TTC28: variants seen among roughly 807,000 people sequenced by gnomAD.
The protein encoded by TTC28 is tetratricopeptide repeat domain 28.
A neutral mutation model predicts 198.0 loss-of-function variants in TTC28; 61 were observed. That is an observed-to-expected ratio of 0.31 (90% confidence interval 0.25 to 0.38). TTC28 has a LOEUF of 0.38. TTC28 is among the 10% of genes least tolerant of loss of function. TTC28 has a pLI of 1.00. For synonymous variants in TTC28, 1,171 were observed against 1,297.8 expected, an observed-to-expected ratio of 0.90 and a Z score of 2.10; for missense variants, 2,678 against 3,164.0, an observed-to-expected ratio of 0.85 and a Z score of 3.69.
intron 16 of TTC28, 130 bp from the exon 17 acceptor site, chr22:27,996,389 C>T (rs1937553014): frequency 7.3e-6 from 10 of 1,373,376 alleles, no homozygotes; most frequent in Admixed American, 2.4e-5. Flanking sequence ...GGGAGCAGCT[C>T]ACAGGCTGGC....
intron 2 of TTC28, among the ~76,000 whole-genome samples, chr22:28,502,603 G>A (rs2048552534): frequency 6.6e-6 from 1 of 151,886 alleles, no homozygotes; most frequent in Admixed American, 6.6e-5. Flanking sequence ...AGCCGAGATC[G>A]TGCCACTGCA....
At chr22:28,381,352 C>A (rs1376429449) in intron 2 of TTC28, among the ~76,000 whole-genome samples, 3 of 152,058 alleles carry the variant, frequency 2.0e-5, no homozygotes, top group Non-Finnish European at 4.4e-5. Context: ...ATAAGCCTAC[C>A]TTAGAGGCTT....
rs987353807 is a variant in TTC28, at chr22:27,990,933, C to A, written c.5554-121G>T. ...TTTAGGAAGCGCCACACCAGGCCCG[C>A]GGCTCTGACTGGGAGGGGAGAGGAG... On this transcript the variant is annotated intron_variant, in intron 19 of 22. Transcript: ENST00000397906. 4.4e-5 allele frequency: 44 copies of A among 993,512 alleles called. No individual in the cohort carries two copies. The Middle Eastern group carries it at 6.3e-4, about 14-fold the overall frequency. The allele number at this position is 993,512 out of a possible 1,614,324, so 61.5% of individuals were successfully genotyped here.
intron 5 of TTC28, among the ~76,000 whole-genome samples, chr22:28,236,584 T>C (rs1420864696): frequency 3.9e-5 from 6 of 152,156 alleles, no homozygotes; most frequent in Non-Finnish European, 1.5e-5. Flanking sequence ...CAAGTGCCAA[T>C]AAACTGCAAA....
intron 2 of TTC28, among the ~76,000 whole-genome samples, chr22:28,493,047 T>TAA (rs750347534): frequency 8.4e-4 from 56 of 66,342 alleles, no homozygotes; most frequent in African/African-American, 1.5e-3. Flanking sequence ...TTCACGATAC[T>TAA]AAAAAAAAAA....
At chr22:28,076,455 CT>C (rs1279526010) in intron 12 of TTC28, among the ~76,000 whole-genome samples, 5 of 152,112 alleles carry the variant, frequency 3.3e-5, no homozygotes, top group African/African-American at 9.7e-5. Flanking sequence ...GCTTTTTTCC[CT>C]CTTTTTGGGA....
At chr22:28,348,335 G>GA (rs886081749) in intron 2 of TTC28, among the ~76,000 whole-genome samples, 8 of 152,202 alleles carry the variant, frequency 5.3e-5, no homozygotes, top group African/African-American at 1.4e-4. Context: ...AGGGACTAAA[G>GA]AAAAAAGCTG....
intron 5 of TTC28, among the ~76,000 whole-genome samples, chr22:28,201,151 G>A (rs1006091741): frequency 1.3e-5 from 2 of 152,078 alleles, no homozygotes; most frequent in African/African-American, 4.8e-5. Flanking sequence ...ATTGAGAAAA[G>A]TATAGGAGAA....
At chr22:27,998,154 T>TAA (rs1569074997) in intron 16 of TTC28, 3 of 238,226 alleles carry the variant, frequency 1.3e-5, no homozygotes. Context: ...TCAGAGAGGG[T>TAA]AAGTAACCTA....
chr22:28,077,508 A>G (rs1292530815), intron 12 of TTC28, among the ~76,000 whole-genome samples: 1 of 152,204 alleles, frequency 6.6e-6, no homozygotes, highest in Non-Finnish European at 1.5e-5. Flanking sequence ...GGTTATGCCA[A>G]TTTACTCTTC....
At chr22:28,594,634 A>C (rs1349166339) in intron 2 of TTC28, among the ~76,000 whole-genome samples, 1 of 150,660 alleles carries the variant, frequency 6.6e-6, no homozygotes, top group Non-Finnish European at 1.5e-5. Context: ...TAATAGTATA[A>C]TATAGTATAA....
chr22:28,505,473 C>T (rs933000244), intron 2 of TTC28, among the ~76,000 whole-genome samples: 2 of 152,126 alleles, frequency 1.3e-5, no homozygotes, highest in African/African-American at 2.4e-5. Flanking sequence ...GGGGTGACAG[C>T]CCACCCAGGA....
intron 2 of TTC28, among the ~76,000 whole-genome samples, chr22:28,495,451 C>A (rs2048441683): frequency 6.6e-6 from 1 of 152,168 alleles, no homozygotes; most frequent in African/African-American, 2.4e-5. Context: ...TTATTCCCAA[C>A]CTCGAGTACT....
intron 5 of TTC28, among the ~76,000 whole-genome samples, chr22:28,226,528 G>T (rs998987667): frequency 1.6e-4 from 25 of 151,932 alleles, no homozygotes; most frequent in Admixed American, 3.9e-4. Context: ...CCAGGTTCAC[G>T]TAATTCTCCC....
rs531938560 is a variant in TTC28, at chr22:28,423,549, T to C, written c.382-116906A>G. 7.2e-4 allele frequency among the ~76,000 whole-genome samples: 110 copies of C among 152,356 alleles called. 3 individuals carry two copies. In the South Asian group the frequency reaches 0.021, roughly 28 times the overall value. On this transcript the variant is annotated intron_variant, in intron 2 of 22. Transcript: ENST00000397906. The stretch of plus-strand genomic sequence containing the variant: ...CTATAGTTCTATAATACTACTGGAC[T>C]AAAGTAATTTATAATGCCACTAAAA...
chr22:28,290,475 TATC>T (rs1215836475), intron 5 of TTC28, among the ~76,000 whole-genome samples: 1 of 152,142 alleles, frequency 6.6e-6, no homozygotes, highest in Non-Finnish European at 1.5e-5. Context: ...TGTACAAAAT[TATC>T]ATTATCTTCA....
At chr22:28,588,541 GACACCACTTGCTAT>G (rs1258441066) in intron 2 of TTC28, among the ~76,000 whole-genome samples, 3 of 152,208 alleles carry the variant, frequency 2.0e-5, no homozygotes, top group Non-Finnish European at 4.4e-5. Context: ...ACTGGAAGCA[GACACCACTTGCTAT>G]GCATCTCACA....
intron 2 of TTC28, among the ~76,000 whole-genome samples, chr22:28,528,993 G>T (rs531285382): frequency 2.0e-5 from 3 of 152,186 alleles, no homozygotes; most frequent in Non-Finnish European, 4.4e-5. Context: ...ACAGCCCCCA[G>T]TGTGAGTGAC....
At chr22:28,055,985 TCTTA>T (rs1342414009) in intron 12 of TTC28, among the ~76,000 whole-genome samples, 6 of 152,206 alleles carry the variant, frequency 3.9e-5, no homozygotes, top group African/African-American at 7.2e-5. Flanking sequence ...GTTCATTCTT[TCTTA>T]TTTTTCCATG....
Sources: gnomAD v4.1 joint callset for allele counts (sites outside exome capture counted in the v4.1 genomes callset) on GRCh38, gnomAD v4.1.1 for gene constraint, MANE v1.5 for transcripts, NCBI Gene and HGNC (gene_info 2026-07-23, HGNC 2026-07-21) for gene names.